Variants in ZNF782 observed in about 807,000 individuals in gnomAD.
ZNF782 encodes zinc finger protein 782.
ZNF782 carries 12 observed loss-of-function variants against 13.0 expected under a neutral mutation model. The ratio of observed to expected loss-of-function variants is 0.92; its 90% CI spans 0.59 to 1.50. ZNF782 has a LOEUF of 1.50. Ranked by LOEUF, ZNF782 falls within the 40% of genes most tolerant of loss-of-function variation. The probability of loss-of-function intolerance (pLI) is 0.00; values close to 1 mark genes in which losing one functional copy is unlikely to be tolerated. For missense variants in ZNF782, 770 were observed against 822.9 expected, an observed-to-expected ratio of 0.94 and a Z score of 0.79; for synonymous variants, 284 against 283.0, an observed-to-expected ratio of 1.00 and a Z score of -0.04.
chr9:96,886,454 C>T, the ZNF782 span, among the ~76,000 whole-genome samples: 1 of 151,988 alleles, frequency 6.6e-6, no homozygotes, highest in East Asian at 1.9e-4. Context: ...GGAGGAAATG[C>T]CACAGAAATT....
At chr9:96,858,531 G>A (rs1353096873), upstream of ZNF782, among the ~76,000 whole-genome samples, 1 of 152,190 alleles carries the variant, frequency 6.6e-6, no homozygotes, top group Non-Finnish European at 1.5e-5. The surrounding 1 kb of genome is among the most constrained non-coding windows in gnomAD (Gnocchi z 4.4). Flanking sequence ...CTGCTGTAAA[G>A]GGAAGGGCCT....
Position 96,817,870 on chromosome 9 carries a change from G to C in ZNF782, c.*53C>G. The C allele has an allele frequency of 6.9e-7, 1 of 1,454,406 alleles. No individual in the cohort carries two copies. The highest frequency in any genetic ancestry group is 2.3e-5 in the East Asian group (1 of 43,762). 90.1% of individuals were successfully genotyped at this position (1,454,406 alleles called of 1,614,324 possible). A position where few individuals can be genotyped will look rare whatever the true frequency, so the allele number is the denominator to read the frequency against. On this transcript the variant is annotated 3_prime_UTR_variant, in exon 6 of 6. Coordinates refer to ENST00000481138, the MANE Select transcript of ZNF782 (RefSeq NM_001001662.3). ...TCTCCTGTGTGTTCATTTATGTATT[G>C]TGAGGTTTGATTTCCAGCTCAGAGT...
chr9:96,841,218 T>C (rs1588162665), intron 4 of ZNF782, among the ~76,000 whole-genome samples: 3 of 152,088 alleles, frequency 2.0e-5, no homozygotes, highest in East Asian at 3.9e-4. Context: ...ATAATTTGAA[T>C]ATCCATATAT....
the ZNF782 span, among the ~76,000 whole-genome samples, chr9:96,919,904 G>A: frequency 6.6e-6 from 1 of 151,582 alleles, no homozygotes; most frequent in Non-Finnish European, 1.5e-5. Flanking sequence ...TTTAGATTTG[G>A]GGACTAGCAA....
At chr9:96,871,628 A>G (rs1403190060) in intron 1 of ZNF782, among the ~76,000 whole-genome samples, 2 of 152,162 alleles carry the variant, frequency 1.3e-5, no homozygotes, top group African/African-American at 4.8e-5. Context: ...GAGGCCTAGC[A>G]TTGGAGGCTG....
rs1851608465 is a variant in ZNF782, at chr9:96,854,509, G to A, written c.-683C>T. On this transcript the variant is annotated 5_prime_UTR_variant, in exon 1 of 6. Transcript: ENST00000481138. Reference sequence around the variant, plus strand: ...CTCGAGAACCCAAATGAGGAGGCGGGGCTCTGGCTGCACAGGCGCAGAAGG... The same window carrying A: ...CTCGAGAACCCAAATGAGGAGGCGGAGCTCTGGCTGCACAGGCGCAGAAGG... 1 of 152,278 alleles carries A rather than the reference G, an allele frequency of 6.6e-6. No individual in the cohort carries two copies. The highest frequency in any genetic ancestry group is 2.4e-5 in the African/African-American group (1 of 41,460). 9.4% of individuals were successfully genotyped at this position (152,278 alleles called of 1,614,324 possible). A position where few individuals can be genotyped will look rare whatever the true frequency, so the allele number is the denominator to read the frequency against.
chr9:96,819,253 G>A lies in ZNF782; in HGVS notation c.770C>T (p.Thr257Ile), dbSNP rs1850315674. The A allele has an allele frequency of 6.2e-7, 1 of 1,612,836 alleles. No individual in the cohort carries two copies. The change falls in exon 6 of 6, where the codon ACC becomes ATC. Residue 257 changes from threonine (T) to isoleucine (I), a missense_variant. By Grantham distance (89) the Thr-to-Ile change is moderately conservative (BLOSUM62 -1). Transcript: ENST00000481138. ...KFGENKYDKS[T>I]FIIPQNMNPE... ...ATTCATGTTCTGAGGAATAATAAAG[G>A]TTGATTTATCATATTTGTTTTCCCC...
intron 2 of ZNF782, among the ~76,000 whole-genome samples, chr9:96,861,068 G>A (rs780830847): frequency 1.3e-5 from 2 of 152,080 alleles, no homozygotes; most frequent in Non-Finnish European, 2.9e-5. Context: ...GAAACACAGT[G>A]AGTTTCTGTC....
At chr9:96,932,970 T>C in the ZNF782 span, among the ~76,000 whole-genome samples, 4 of 148,794 alleles carry the variant, frequency 2.7e-5, no homozygotes, top group Non-Finnish European at 5.9e-5. Flanking sequence ...TTTCTTTTCT[T>C]TTCTTTTCTT....
chr9:96,889,629 G>T, the ZNF782 span: 1 of 152,166 alleles, frequency 6.6e-6, no homozygotes, highest in African/African-American at 2.4e-5. Context: ...TCGAACTACC[G>T]ATCTCAGGTG....
chr9:96,836,350 C>G (rs1289190037), intron 4 of ZNF782, among the ~76,000 whole-genome samples: 2 of 151,922 alleles, frequency 1.3e-5, no homozygotes, highest in African/African-American at 4.8e-5. Flanking sequence ...GTAGCTGAGA[C>G]TATAGGCGCA....
chr9:96,898,661 C>T, the ZNF782 span, among the ~76,000 whole-genome samples: 1 of 146,018 alleles, frequency 6.8e-6, no homozygotes, highest in Non-Finnish European at 1.5e-5. Context: ...ATTCTCATGC[C>T]TCAGCCTCCC....
At chr9:96,879,542 C>T, upstream of ZNF782, among the ~76,000 whole-genome samples, 1 of 152,108 alleles carries the variant, frequency 6.6e-6, no homozygotes. Context: ...CACTTAAAGG[C>T]ATCTAATAAA....
chr9:96,838,943 T>TGACCTCGTGATCCACC (rs1851097176), intron 4 of ZNF782, among the ~76,000 whole-genome samples: 1 of 152,094 alleles, frequency 6.6e-6, no homozygotes, highest in African/African-American at 2.4e-5. Flanking sequence ...CTTGAACTCC[T>TGACCTCGTGATCCACC]GACCTCGTGA....
the ZNF782 span, among the ~76,000 whole-genome samples, chr9:96,901,540 G>C: frequency 6.6e-6 from 1 of 151,770 alleles, no homozygotes; most frequent in African/African-American, 2.4e-5. Context: ...CCAAAGCGCT[G>C]GGATTACAGA....
rs577604031 is a variant in ZNF782 at position 96,872,975 on chromosome 9, G to C, written c.-457+2493C>G. Among the ~76,000 whole-genome samples the C allele has an allele frequency of 2.0e-5, 3 of 152,148 alleles. No individual in the cohort carries two copies. In the South Asian group the frequency reaches 6.2e-4, roughly 32 times the overall value. On this transcript the variant is annotated intron_variant, in intron 1 of 5. Transcript: ENST00000498811. ...AAAAAAAGTGGAAGTACAGAAAGTA[G>C]AATTAAAGTTGTTGTACAGAGGGTG...
At chr9:96,899,907 C>T in the ZNF782 span, among the ~76,000 whole-genome samples, 1 of 151,672 alleles carries the variant, frequency 6.6e-6, no homozygotes, top group African/African-American at 2.4e-5. Flanking sequence ...TGACGTGATC[C>T]TCCTACCTTA....
At chr9:96,925,074 C>A in the ZNF782 span, among the ~76,000 whole-genome samples, 1 of 152,170 alleles carries the variant, frequency 6.6e-6, no homozygotes, top group Non-Finnish European at 1.5e-5. Flanking sequence ...AGAGCTAAGG[C>A]CGTTGGGTAA....
At chr9:96,896,174 G>C in the ZNF782 span, 3 of 152,118 alleles carry the variant, frequency 2.0e-5, no homozygotes, top group Non-Finnish European at 4.4e-5. Flanking sequence ...CTGGTACCTG[G>C]TATGCACTTA....
Sources: gnomAD v4.1 joint callset for allele counts (sites outside exome capture counted in the v4.1 genomes callset) on GRCh38, gnomAD v4.1.1 for gene constraint, Gnocchi (gnomAD v3.1) non-coding constraint, MANE v1.5 for transcripts, NCBI Gene and HGNC (gene_info 2026-07-23, HGNC 2026-07-21) for gene names.